Variants in CORO2B observed in about 807,000 individuals in gnomAD.
CORO2B encodes coronin-2B.
Under a neutral mutation model 58.8 loss-of-function variants are expected in CORO2B, and 26 were observed. The observed-to-expected ratio is 0.44, with a 90% CI of 0.32 to 0.61. CORO2B has a LOEUF of 0.61. Among genes scored for constraint, CORO2B ranks in the 20% least tolerant of loss-of-function variants. The pLI, the probability that CORO2B is intolerant of heterozygous loss-of-function variation, is 0.04. For missense variants in CORO2B, 460 were observed against 645.1 expected, an observed-to-expected ratio of 0.71 and a Z score of 3.11; for synonymous variants, 242 against 253.8, an observed-to-expected ratio of 0.95 and a Z score of 0.44.
chr15:68,668,384 T>C (rs1458116381), intron 2 of CORO2B, among the ~76,000 whole-genome samples: 2 of 150,880 alleles, frequency 1.3e-5, no homozygotes, highest in African/African-American at 4.9e-5. Context: ...AGACAAACAA[T>C]GAACAAGGGC....
intron 3 of CORO2B, among the ~76,000 whole-genome samples, chr15:68,702,092 A>G (rs1394355148): frequency 6.6e-6 from 1 of 152,012 alleles, no homozygotes; most frequent in Non-Finnish European, 1.5e-5. Context: ...TGTCCTCCTC[A>G]GGGGGTTGGG....
intron 1 of CORO2B, among the ~76,000 whole-genome samples, chr15:68,586,830 G>A (rs556015854): frequency 1.4e-4 from 22 of 152,188 alleles, no homozygotes; most frequent in African/African-American, 5.3e-4. Context: ...GATGCCTCAC[G>A]GAGCCTCCTT....
At chr15:68,552,485 G>C in the CORO2B span, among the ~76,000 whole-genome samples, 26 of 141,930 alleles carry the variant, frequency 1.8e-4, no homozygotes, top group African/African-American at 6.1e-4. Flanking sequence ...GGTGGGGGGG[G>C]CAGGGCCTTG....
the CORO2B span, among the ~76,000 whole-genome samples, chr15:68,532,932 T>G: frequency 6.6e-6 from 1 of 152,216 alleles, no homozygotes; most frequent in Admixed American, 6.5e-5. Context: ...CTATTCAACT[T>G]TAAAATCCAC....
chr15:68,538,563 T>A, the CORO2B span, among the ~76,000 whole-genome samples: 1 of 152,234 alleles, frequency 6.6e-6, no homozygotes, highest in Admixed American at 6.5e-5. Flanking sequence ...TCTCCTTTTT[T>A]CTCTGCATGG....
At chr15:68,672,099 A>C (rs1224072276) in intron 2 of CORO2B, among the ~76,000 whole-genome samples, 1 of 150,326 alleles carries the variant, frequency 6.7e-6, no homozygotes, top group Non-Finnish European at 1.5e-5. Context: ...TGAGTGCAGC[A>C]TGGGGAAGAT....
At chr15:68,657,598 G>T (rs1025537277) in intron 2 of CORO2B, among the ~76,000 whole-genome samples, 4 of 150,976 alleles carry the variant, frequency 2.6e-5, no homozygotes, top group African/African-American at 9.7e-5. Context: ...TTCTATCAAT[G>T]CATTACGCCC....
chr15:68,563,866 T>A, the CORO2B span, among the ~76,000 whole-genome samples: 1 of 152,002 alleles, frequency 6.6e-6, no homozygotes. Flanking sequence ...ATTCAGTAAA[T>A]AATCAAGAAT....
At chr15:68,700,769 T>C (rs559137355) in intron 3 of CORO2B, among the ~76,000 whole-genome samples, 1 of 151,972 alleles carries the variant, frequency 6.6e-6, no homozygotes, top group East Asian at 2.0e-4. Context: ...CCAAGCCTCG[T>C]GCTCCCAGCC....
chr15:68,603,559 G>A (rs1051751749), intron 1 of CORO2B, among the ~76,000 whole-genome samples: 3 of 152,118 alleles, frequency 2.0e-5, no homozygotes, highest in Admixed American at 2.0e-4. Flanking sequence ...CTAACCCCCA[G>A]TGTGTTTGGA....
the CORO2B span, among the ~76,000 whole-genome samples, chr15:68,544,171 T>G: frequency 6.6e-6 from 1 of 152,246 alleles, no homozygotes; most frequent in Admixed American, 6.5e-5. Flanking sequence ...GATCCACATC[T>G]GGCCCTGTAT....
At chr15:68,711,405 G>T (rs1421934850) in intron 4 of CORO2B, 137 bp from the exon 5 acceptor site, 14 of 647,016 alleles carry the variant, frequency 2.2e-5, no homozygotes, top group Non-Finnish European at 3.7e-5. Context: ...AGAACTCAAT[G>T]ACCCCCTCCT....
At chr15:68,536,127 C>T in the CORO2B span, among the ~76,000 whole-genome samples, 4 of 152,154 alleles carry the variant, frequency 2.6e-5, no homozygotes, top group African/African-American at 9.7e-5. Flanking sequence ...CAGAATAGCA[C>T]TATAATCACA....
At chr15:68,652,308 G>C (rs1232398799) in intron 2 of CORO2B, among the ~76,000 whole-genome samples, 1 of 152,194 alleles carries the variant, frequency 6.6e-6, no homozygotes, top group Non-Finnish European at 1.5e-5. Context: ...AGATGGGGGA[G>C]CAATCAGCAC....
At chr15:68,555,984 T>C in the CORO2B span, among the ~76,000 whole-genome samples, 1 of 152,228 alleles carries the variant, frequency 6.6e-6, no homozygotes, top group Non-Finnish European at 1.5e-5. Context: ...GAAAGGTTAA[T>C]CGTGGGCACA....
rs1900361932 is a variant in CORO2B at position 68,616,506 on chromosome 15, C to T, written c.16-28654C>T. 9 of 983,448 alleles carry T rather than the reference C, an allele frequency of 9.2e-6. No individual in the cohort carries two copies. The African/African-American group carries it at 1.6e-4, about 17-fold the overall frequency. The allele number at this position is 983,448 out of a possible 1,614,324, so 60.9% of individuals were successfully genotyped here. Reference sequence around the variant, plus strand: ...CTGCTGGCTTTACTGCCATGCTCCACTCCCTTAAAAGCAGGCAGCTGCCCT... The same window carrying T: ...CTGCTGGCTTTACTGCCATGCTCCATTCCCTTAAAAGCAGGCAGCTGCCCT... On this transcript the variant is annotated intron_variant, in intron 1 of 11. Transcript: ENST00000261861.
At chr15:68,524,178 C>T in the CORO2B span, among the ~76,000 whole-genome samples, 1 of 151,970 alleles carries the variant, frequency 6.6e-6, no homozygotes, top group African/African-American at 2.4e-5. Flanking sequence ...CATAATTGCA[C>T]CACTGCACTC....
At chr15:68,583,975 C>G (rs1255868147) in intron 1 of CORO2B, among the ~76,000 whole-genome samples, 1 of 152,222 alleles carries the variant, frequency 6.6e-6, no homozygotes, top group East Asian at 1.9e-4. Flanking sequence ...CATTCTCATG[C>G]TGGGAGGTGT....
At chr15:68,664,561 G>A (rs993681701) in intron 2 of CORO2B, among the ~76,000 whole-genome samples, 3 of 152,062 alleles carry the variant, frequency 2.0e-5, no homozygotes, top group Admixed American at 1.3e-4. Flanking sequence ...GCAGGAGAAT[G>A]GCGTGAACCC....
Sources: allele counts gnomAD v4.1 joint callset (sites outside exome capture counted in the v4.1 genomes callset), GRCh38; gene constraint gnomAD v4.1.1; transcripts MANE v1.5; gene names NCBI Gene and HGNC (gene_info 2026-07-23, HGNC 2026-07-21).